CSMD1: variants seen among roughly 807,000 people sequenced by gnomAD.
CSMD1 encodes CUB and Sushi multiple domains 1, also known as CUB and sushi domain-containing protein 1.
In CSMD1, 213 loss-of-function variants were observed where a neutral mutation model predicts 417.5. The ratio of observed to expected loss-of-function variants is 0.51; its 90% CI spans 0.46 to 0.57. The LOEUF (loss-of-function observed/expected upper bound fraction) is 0.57, where lower values mean the gene tolerates loss of function less well. Ranked by LOEUF, CSMD1 falls within the 20% of genes least tolerant of loss-of-function variation. The pLI, the probability that CSMD1 is intolerant of heterozygous loss-of-function variation, is 0.00. For synonymous variants in CSMD1, 2,862 were observed against 1,736.8 expected (o/e 1.65, Z -16.11); for missense variants, 6,923 against 4,529.7 (o/e 1.53, Z -15.17).
intron 3 of CSMD1, among the ~76,000 whole-genome samples, chr8:4,329,418 A>G (rs2128889630): frequency 6.6e-6 from 1 of 152,174 alleles, no homozygotes; most frequent in East Asian, 1.9e-4. Flanking sequence ...CCTCCCGGGT[A>G]GCTGGGACTA....
rs146727827 is a variant in CSMD1 at position 3,347,850 on chromosome 8, C to T, written c.3474+142G>A. 9.2e-5 allele frequency: 52 copies of T among 563,622 alleles called. No individual in the cohort carries two copies. The African/African-American group carries it at 9.6e-4, about 10-fold the overall frequency. 34.9% of individuals were successfully genotyped at this position (563,622 alleles called of 1,614,324 possible). ...AAGTGACATTACACCTTCTCAAACT[C>T]ATTGTGTAAATAAATACAAATAAAT... On this transcript the variant is annotated intron_variant, in intron 22 of 69. Coordinates refer to ENST00000635120, the MANE Select transcript of CSMD1 (RefSeq NM_033225.6).
chr8:4,241,472 C>A (rs373615311), intron 3 of CSMD1, among the ~76,000 whole-genome samples: 1 of 152,180 alleles, frequency 6.6e-6, no homozygotes, highest in Non-Finnish European at 1.5e-5. Context: ...GCAGAAGTCG[C>A]TTCATGCAGT....
intron 54 of CSMD1, among the ~76,000 whole-genome samples, chr8:2,985,774 G>GCTGCCC (rs933600003): frequency 3.3e-5 from 5 of 152,124 alleles, no homozygotes; most frequent in African/African-American, 1.2e-4. Flanking sequence ...CTTAACAATA[G>GCTGCCC]CTGCCCGGAG....
intron 1 of CSMD1, among the ~76,000 whole-genome samples, chr8:4,976,905 A>G (rs1358339891): frequency 1.3e-5 from 2 of 152,212 alleles, no homozygotes; most frequent in African/African-American, 2.4e-5. Context: ...AAACATAAAA[A>G]AAAATCCTCC....
chr8:3,342,820 G>C (rs1480307161), intron 23 of CSMD1, among the ~76,000 whole-genome samples: 1 of 151,884 alleles, frequency 6.6e-6, no homozygotes, highest in African/African-American at 2.4e-5. Flanking sequence ...AAAGAAAATA[G>C]TTTACTACAT....
At chr8:4,897,251 C>T (rs1804557155) in intron 1 of CSMD1, among the ~76,000 whole-genome samples, 1 of 152,042 alleles carries the variant, frequency 6.6e-6, no homozygotes, top group South Asian at 2.1e-4. Context: ...AAAATCCTTT[C>T]ATCGTATCAA....
intron 51 of CSMD1, among the ~76,000 whole-genome samples, chr8:3,027,943 G>A (rs603688): frequency 0.22 from 33,962 of 152,120 alleles, 3,985 homozygotes; most frequent in East Asian, 0.32. Context: ...GCTCTCCACT[G>A]TACGTGAAAA....
intron 3 of CSMD1, among the ~76,000 whole-genome samples, chr8:4,338,185 C>A (rs1800280364): frequency 6.6e-6 from 1 of 151,974 alleles, no homozygotes; most frequent in African/African-American, 2.4e-5. Flanking sequence ...GGTACTAATG[C>A]AAGAGTTAGA....
intron 1 of CSMD1, among the ~76,000 whole-genome samples, chr8:4,908,650 T>C (rs1488152928): frequency 6.6e-6 from 1 of 151,148 alleles, no homozygotes; most frequent in African/African-American, 2.4e-5. Flanking sequence ...TAGCAATGAG[T>C]CCACCAGACT....
chr8:3,908,576 T>C (rs1808260971), intron 5 of CSMD1, among the ~76,000 whole-genome samples: 1 of 152,130 alleles, frequency 6.6e-6, no homozygotes. Flanking sequence ...CACATTTGCC[T>C]CTCCCTTGTT....
At chr8:4,107,716 T>C (rs886608721) in intron 3 of CSMD1, among the ~76,000 whole-genome samples, 1 of 152,228 alleles carries the variant, frequency 6.6e-6, no homozygotes, top group East Asian at 1.9e-4. Context: ...ACACGCTCCA[T>C]CAGATGCTGT....
chr8:4,630,348 T>C (rs1802437718), intron 2 of CSMD1, among the ~76,000 whole-genome samples: 2 of 151,786 alleles, frequency 1.3e-5, no homozygotes, highest in African/African-American at 2.4e-5. Context: ...TAATATCACT[T>C]AGGGAAGGAG....
intron 2 of CSMD1, among the ~76,000 whole-genome samples, chr8:4,533,178 G>A (rs923582710): frequency 2.6e-5 from 4 of 152,164 alleles, no homozygotes; most frequent in African/African-American, 4.8e-5. Context: ...GTGTACCCAC[G>A]TGGTAGCATT....
At chr8:4,189,586 T>A (rs935973734) in intron 3 of CSMD1, among the ~76,000 whole-genome samples, 1 of 152,208 alleles carries the variant, frequency 6.6e-6, no homozygotes, top group Non-Finnish European at 1.5e-5. Flanking sequence ...CATGATACTA[T>A]GTTAGTTGAT....
Position 3,795,988 on chromosome 8 carries a change from G to GTACAGAT in CSMD1, c.819-41947_819-41946insATCTGTA, listed in dbSNP as rs1800073675. ...TAGATATCTATCATGTACAGATATA[G>GTACAGAT]ATATATATCTATCATGTATATAGAT... is the stretch of plus-strand genomic sequence containing the variant. On this transcript the variant is annotated intron_variant, in intron 5 of 69. Coordinates refer to ENST00000635120, the MANE Select transcript of CSMD1 (RefSeq NM_033225.6). Among the ~76,000 whole-genome samples the GTACAGAT allele has an allele frequency of 3.3e-5, 2 of 61,328 alleles. 1 individual carries two copies. The highest frequency in any genetic ancestry group is 7.8e-4 in the East Asian group (2 of 2,566). 40.2% of individuals were successfully genotyped at this position (61,328 alleles called of 152,430 possible).
intron 3 of CSMD1, among the ~76,000 whole-genome samples, chr8:4,199,944 C>T (rs993649516): frequency 9.2e-5 from 14 of 151,868 alleles, no homozygotes; most frequent in African/African-American, 2.9e-4. Context: ...GAGTTTCAAC[C>T]AATGTAGAAA....
intron 52 of CSMD1, among the ~76,000 whole-genome samples, chr8:3,006,567 A>G (rs1330933555): frequency 6.6e-6 from 1 of 151,924 alleles, no homozygotes; most frequent in East Asian, 1.9e-4. Flanking sequence ...ACTGGTACCA[A>G]AGCAGAGATA....
intron 1 of CSMD1, among the ~76,000 whole-genome samples, chr8:4,697,388 T>G (rs898346763): frequency 6.6e-6 from 1 of 152,144 alleles, no homozygotes; most frequent in African/African-American, 2.4e-5. Context: ...TTTAAGTGGC[T>G]ACTTTACATG....
At chr8:4,964,539 G>GA (rs1175814188) in intron 1 of CSMD1, among the ~76,000 whole-genome samples, 125 of 115,872 alleles carry the variant, frequency 1.1e-3, no homozygotes, top group South Asian at 3.6e-3. Context: ...AGGAAGGAAG[G>GA]AAAAAAAAAA....
Sources: gnomAD v4.1 joint callset for allele counts (sites outside exome capture counted in the v4.1 genomes callset) on GRCh38, gnomAD v4.1.1 for gene constraint, MANE v1.5 for transcripts, NCBI Gene and HGNC (gene_info 2026-07-23, HGNC 2026-07-21) for gene names.